Variants in ZMAT4 observed in about 807,000 individuals in gnomAD.
ZMAT4 encodes zinc finger matrin-type 4.
ZMAT4 carries 17 observed loss-of-function variants against 28.7 expected under a neutral mutation model. That is an observed-to-expected ratio of 0.59 (90% CI 0.41 to 0.89). The LOEUF (loss-of-function observed/expected upper bound fraction) is 0.89. ZMAT4 is among the 40% of genes least tolerant of loss of function. The pLI, the probability that ZMAT4 is intolerant of heterozygous loss-of-function variation, is 0.00. For synonymous variants in ZMAT4, 117 were observed against 109.2 expected (o/e 1.07, Z -0.44); for missense variants, 240 against 283.8 (o/e 0.85, Z 1.11).
chr8:40,805,326 T>A (rs1341681394), intron 2 of ZMAT4, among the ~76,000 whole-genome samples: 4 of 145,658 alleles, frequency 2.7e-5, no homozygotes, highest in African/African-American at 1.0e-4. Context: ...TAGGAACACT[T>A]TTACACTGTT....
intron 2 of ZMAT4, among the ~76,000 whole-genome samples, chr8:40,820,909 G>GTGTGTGTGTGTT (rs1554564149): frequency 2.7e-5 from 4 of 146,000 alleles, no homozygotes; most frequent in Non-Finnish European, 6.0e-5. Context: ...GTGTTTGTGT[G>GTGTGTGTGTGTT]TATGTGTGTG....
At chr8:40,706,432 T>C (rs1246660458) in intron 3 of ZMAT4, among the ~76,000 whole-genome samples, 1 of 152,168 alleles carries the variant, frequency 6.6e-6, no homozygotes, top group African/African-American at 2.4e-5. Context: ...CATAAATAAA[T>C]TCCCAATTTT....
At chr8:40,649,962 AG>A (rs1807553777) in intron 5 of ZMAT4, among the ~76,000 whole-genome samples, 2 of 152,006 alleles carry the variant, frequency 1.3e-5, no homozygotes, top group Admixed American at 1.3e-4. Context: ...AAATGCCCAC[AG>A]GAGAAAGCAG....
At chr8:40,883,577 T>A (rs1027820568) in intron 1 of ZMAT4, among the ~76,000 whole-genome samples, 2 of 152,182 alleles carry the variant, frequency 1.3e-5, no homozygotes, top group African/African-American at 4.8e-5. Flanking sequence ...CCAAGACAGT[T>A]TCTTAAGGTA....
At chr8:40,758,907 A>G (rs150703280) in intron 3 of ZMAT4, among the ~76,000 whole-genome samples, 79 of 152,336 alleles carry the variant, frequency 5.2e-4, no homozygotes, top group African/African-American at 1.9e-3. Flanking sequence ...ATGCTTTCTA[A>G]TCACCTACTG....
chr8:40,789,092 A>C (rs1814217196), intron 2 of ZMAT4, among the ~76,000 whole-genome samples: 1 of 150,874 alleles, frequency 6.6e-6, no homozygotes, highest in Non-Finnish European at 1.5e-5. Flanking sequence ...GGGAGGGAGG[A>C]GAGAGGGAAG....
chr8:40,593,366 C>G (rs372695187), intron 5 of ZMAT4, among the ~76,000 whole-genome samples: 5 of 152,102 alleles, frequency 3.3e-5, no homozygotes, highest in Admixed American at 2.0e-4. Flanking sequence ...TGGTAGAAAG[C>G]GGTATGTATG....
At chr8:40,799,203 A>ATGGG (rs1563492059) in intron 2 of ZMAT4, among the ~76,000 whole-genome samples, 2 of 125,424 alleles carry the variant, frequency 1.6e-5, no homozygotes, top group East Asian at 2.7e-4. Flanking sequence ...AGAAGGATAG[A>ATGGG]TGGGTGGATG....
chr8:40,867,594 C>T (rs1400864222), intron 1 of ZMAT4, among the ~76,000 whole-genome samples: 2 of 152,212 alleles, frequency 1.3e-5, no homozygotes, highest in Non-Finnish European at 2.9e-5. Flanking sequence ...CTCCTTGCTG[C>T]CTCTCACATA....
At chr8:40,816,057 G>A (rs1475865990) in intron 2 of ZMAT4, among the ~76,000 whole-genome samples, 2 of 152,072 alleles carry the variant, frequency 1.3e-5, no homozygotes, top group Non-Finnish European at 2.9e-5. Flanking sequence ...GATACACAGT[G>A]CACAGAGACA....
chr8:40,596,018 A>G (rs1754662000), intron 5 of ZMAT4, among the ~76,000 whole-genome samples: 1 of 152,030 alleles, frequency 6.6e-6, no homozygotes, highest in South Asian at 2.1e-4. Context: ...CAGGAGAGGG[A>G]GGTTGCAGTG....
intron 3 of ZMAT4, among the ~76,000 whole-genome samples, chr8:40,723,799 G>T (rs1811207634): frequency 6.6e-6 from 1 of 152,052 alleles, no homozygotes; most frequent in African/African-American, 2.4e-5. Context: ...ATAGATTTTT[G>T]CCCTTTGTCT....
intron 6 of ZMAT4, among the ~76,000 whole-genome samples, chr8:40,573,793 T>C (rs1278799766): frequency 3.9e-5 from 6 of 152,216 alleles, no homozygotes; most frequent in Admixed American, 3.9e-4. Flanking sequence ...CCCATATTTG[T>C]TGTGTTCTTG....
chr8:40,547,653 G>C (rs942276072), intron 6 of ZMAT4, among the ~76,000 whole-genome samples: 10 of 152,002 alleles, frequency 6.6e-5, no homozygotes, highest in Admixed American at 1.3e-4. Flanking sequence ...TTTAAGTTCT[G>C]GGTGCATGTG....
chr8:40,766,167 C>T (rs1304892198), intron 3 of ZMAT4, among the ~76,000 whole-genome samples: 1 of 152,214 alleles, frequency 6.6e-6, no homozygotes, highest in Non-Finnish European at 1.5e-5. Flanking sequence ...ACCAGAGCCC[C>T]TTGGCATGAT....
At position 40,531,991 on chromosome 8, in the gene ZMAT4, G is replaced by T. The variant is rs764534145; in HGVS notation, c.*232C>A. 1.1e-5 allele frequency: 4 copies of T among 379,464 alleles called. No homozygotes were observed. Among genetic ancestry groups the T allele is most frequent in the East Asian group, 7.6e-5 (2 of 26,332 alleles). 23.5% of individuals were successfully genotyped at this position (379,464 alleles called of 1,614,324 possible). A position where few individuals can be genotyped will look rare whatever the true frequency, so the allele number is the denominator to read the frequency against. The stretch of plus-strand genomic sequence containing the variant: ...ATGTGCTAAATATGTTATCAGGAAA[G>T]AATTTAAAAATCCATCCAAATATCA... On this transcript the variant is annotated 3_prime_UTR_variant, in exon 7 of 7. Transcript: ENST00000297737.
chr8:40,783,653 A>G (rs1813938421), intron 2 of ZMAT4, among the ~76,000 whole-genome samples: 1 of 152,182 alleles, frequency 6.6e-6, no homozygotes, highest in Non-Finnish European at 1.5e-5. Flanking sequence ...TAAGAGATGC[A>G]TATCTAGGAA....
intron 4 of ZMAT4, among the ~76,000 whole-genome samples, chr8:40,678,735 A>G (rs1381857503): frequency 2.0e-5 from 3 of 152,144 alleles, no homozygotes; most frequent in Non-Finnish European, 4.4e-5. Context: ...CTTCTAGTAC[A>G]TTTTCACAAT....
At chr8:40,591,321 T>G (rs1804886128) in intron 5 of ZMAT4, among the ~76,000 whole-genome samples, 1 of 152,192 alleles carries the variant, frequency 6.6e-6, no homozygotes, top group African/African-American at 2.4e-5. Flanking sequence ...CTCACCTTCA[T>G]GCATGGGGCA....
Sources: gnomAD v4.1 joint callset for allele counts (sites outside exome capture counted in the v4.1 genomes callset) on GRCh38, gnomAD v4.1.1 for gene constraint, MANE v1.5 for transcripts, NCBI Gene and HGNC (gene_info 2026-07-23, HGNC 2026-07-21) for gene names.